GALNT10: variants seen among roughly 807,000 people sequenced by gnomAD.
GALNT10 encodes the protein polypeptide N-acetylgalactosaminyltransferase 10.
A neutral mutation model predicts 75.0 loss-of-function variants in GALNT10; 41 were observed. The ratio of observed to expected loss-of-function variants is 0.55; its 90% CI spans 0.43 to 0.71. The LOEUF (loss-of-function observed/expected upper bound fraction) is 0.71. GALNT10 is among the 30% of genes least tolerant of loss of function. The probability of loss-of-function intolerance (pLI) is 0.00; values close to 1 mark genes in which losing one functional copy is unlikely to be tolerated. For missense variants in GALNT10, 727 were observed against 818.5 expected, an observed-to-expected ratio of 0.89 and a Z score of 1.36; for synonymous variants, 302 against 313.0, an observed-to-expected ratio of 0.96 and a Z score of 0.37.
At chr5:154,285,019 C>T (rs551092403) in intron 1 of GALNT10, among the ~76,000 whole-genome samples, 70 of 152,326 alleles carry the variant, frequency 4.6e-4, no homozygotes, top group Non-Finnish European at 7.5e-4. Flanking sequence ...CCTTGACAAT[C>T]GCTCATGGAA....
At chr5:154,270,812 G>A (rs140469831) in intron 1 of GALNT10, among the ~76,000 whole-genome samples, 225 of 152,086 alleles carry the variant, frequency 1.5e-3, no homozygotes, top group African/African-American at 5.4e-3. Flanking sequence ...TGGCCAACAT[G>A]GCGAAAACCC....
intron 1 of GALNT10, among the ~76,000 whole-genome samples, chr5:154,229,719 TG>T (rs1753118843): frequency 6.6e-6 from 1 of 150,908 alleles, no homozygotes; most frequent in Non-Finnish European, 1.5e-5. Context: ...GGCGACAGAG[TG>T]AGACTCCATC....
intron 1 of GALNT10, among the ~76,000 whole-genome samples, chr5:154,276,684 G>C (rs1232938289): frequency 2.6e-5 from 4 of 152,284 alleles, no homozygotes; most frequent in East Asian, 3.9e-4. Context: ...AAAAACACTA[G>C]TTTAGAGTCC....
At chr5:154,356,183 TTGTGTG>T in intron 4 of GALNT10, 1 of 456,274 alleles carries the variant, frequency 2.2e-6, no homozygotes, top group Non-Finnish European at 4.4e-6. Context: ...CCCTCTCCCT[TTGTGTG>T]CTAGAGACCC....
At chr5:154,362,023 A>T (rs1161182985) in intron 4 of GALNT10, among the ~76,000 whole-genome samples, 1 of 152,158 alleles carries the variant, frequency 6.6e-6, no homozygotes, top group Non-Finnish European at 1.5e-5. Context: ...TGGGAACAAG[A>T]TGCCTCTCCA....
chr5:154,416,737 T>C lies in GALNT10; in HGVS notation c.1654-77T>C. 1 of 1,020,284 alleles carries C rather than the reference T, an allele frequency of 9.8e-7. No homozygotes were observed. Among genetic ancestry groups the C allele is most frequent in the Non-Finnish European group, 1.5e-6 (1 of 650,352 alleles). The allele number at this position is 1,020,284 out of a possible 1,614,324, so 63.2% of individuals were successfully genotyped here. On this transcript the variant is annotated intron_variant, in intron 11 of 11. Transcript: ENST00000297107. This position sits in a 1 kb window ranked among gnomAD's most constrained non-coding sequence, Gnocchi z 4.5. The stretch of plus-strand genomic sequence containing the variant: ...AGTCAGTCACTTCCTCACTTTCTCA[T>C]TGCTGGTATTGTTGCTGTGGTTTGA...
intron 3 of GALNT10, among the ~76,000 whole-genome samples, chr5:154,319,313 AG>A (rs1754641828): frequency 6.6e-6 from 1 of 152,264 alleles, no homozygotes; most frequent in Non-Finnish European, 1.5e-5. Context: ...AATGTTTAGC[AG>A]AGATCAGCCC....
intron 1 of GALNT10, among the ~76,000 whole-genome samples, chr5:154,279,450 T>C (rs370115916): frequency 6.6e-5 from 10 of 151,892 alleles, no homozygotes; most frequent in Non-Finnish European, 1.3e-4. Flanking sequence ...AGTACAGGCA[T>C]GCACCACCAC....
chr5:154,335,050 T>C (rs972458689), intron 4 of GALNT10, among the ~76,000 whole-genome samples: 1 of 152,246 alleles, frequency 6.6e-6, no homozygotes, highest in Admixed American at 6.5e-5. Flanking sequence ...ATTTCTTGTC[T>C]TCTCTCCAGC....
At position 154,386,351 on chromosome 5, in the gene GALNT10, G is replaced by T. The variant is rs377526323; in HGVS notation, c.977G>T (p.Arg326Leu). Residue 326 changes from arginine to leucine, a missense_variant, in exon 7 of 12, where the codon CGG (arginine) becomes CTG (leucine). Arg to Leu is a moderately radical substitution (Grantham distance 102, BLOSUM62 -2). Coordinates refer to ENST00000297107, the MANE Select transcript of GALNT10 (RefSeq NM_198321.4). ...VMAGGLFAVD[R>L]KWFWELGGYD... ...GCCGGTGGACTGTTCGCCGTGGATC[G>T]GAAGTGGTTCTGGGAACTCGGCGGG... 4.3e-6 allele frequency: 7 copies of T among 1,614,086 alleles called. No individual in the cohort carries two copies. The highest frequency in any genetic ancestry group is 4.2e-6 in the Non-Finnish European group (5 of 1,180,000).
In GALNT10 at chr5:154,404,199, C is replaced by T. The variant is rs375962217; in HGVS notation, c.1152C>T (p.Val384=). 7.3e-5 allele frequency: 117 copies of T among 1,595,760 alleles called. 1 individual carries two copies. The highest frequency in any genetic ancestry group is 6.7e-4 in the Middle Eastern group (4 of 5,952). The part of the protein sequence containing the change: ...KYVPYKVPAG[V]SLARNLKRVA... ...TGCCCTACAAGGTCCCGGCCGGAGT[C>T]AGCCTGGCCCGGGTAAGGTGGTGGC... is the stretch of plus-strand genomic sequence containing the variant. Residue 384 remains valine (V), a synonymous_variant, in exon 8 of 12, where the codon GTC becomes GTT. Coordinates refer to ENST00000297107, the MANE Select transcript of GALNT10 (RefSeq NM_198321.4).
chr5:154,410,390 A>G lies in GALNT10; in HGVS notation c.1386+628A>G, dbSNP rs530058803. The stretch of plus-strand genomic sequence containing the variant: ...ACCCTGTCTCTACAAAAAAAAAAAA[A>G]AAAAAGAAAAAATTAGCCAGGCGTA... On this transcript the variant is annotated intron_variant, in intron 9 of 11. Coordinates refer to ENST00000297107, the MANE Select transcript of GALNT10 (RefSeq NM_198321.4). Among the ~76,000 whole-genome samples the G allele has an allele frequency of 2.0e-3, 300 of 151,984 alleles. 2 individuals are homozygous for G. The highest frequency in any genetic ancestry group is 6.7e-3 in the African/African-American group (279 of 41,508).
chr5:154,286,184 TTCTATAAGC>T (rs1754108346), intron 1 of GALNT10, among the ~76,000 whole-genome samples: 1 of 152,156 alleles, frequency 6.6e-6, no homozygotes, highest in Admixed American at 6.5e-5. Context: ...CCACACATAC[TTCTATAAGC>T]TCTATGAGAG....
intron 1 of GALNT10, among the ~76,000 whole-genome samples, chr5:154,193,897 T>G (rs958302410): frequency 6.6e-6 from 1 of 152,222 alleles, no homozygotes; most frequent in African/African-American, 2.4e-5. Context: ...CACATAATGC[T>G]TCTAGGATTT....
chr5:154,378,922 T>G (rs1755696003), intron 5 of GALNT10, among the ~76,000 whole-genome samples: 1 of 151,950 alleles, frequency 6.6e-6, no homozygotes, highest in South Asian at 2.1e-4. Flanking sequence ...GGCCCTACTC[T>G]AAATCTTTCT....
intron 1 of GALNT10, among the ~76,000 whole-genome samples, chr5:154,281,630 C>G (rs895682607): frequency 6.6e-6 from 1 of 152,190 alleles, no homozygotes; most frequent in South Asian, 2.1e-4. Context: ...AAGGACCTCT[C>G]CACACCCTAA....
intron 1 of GALNT10, among the ~76,000 whole-genome samples, chr5:154,254,440 A>T (rs1753575412): frequency 6.6e-6 from 1 of 151,732 alleles, no homozygotes; most frequent in Non-Finnish European, 1.5e-5. Flanking sequence ...TTACTAAGAG[A>T]TGTTTTGTTT....
At chr5:154,261,431 C>T (rs1191003591) in intron 1 of GALNT10, among the ~76,000 whole-genome samples, 1 of 152,148 alleles carries the variant, frequency 6.6e-6, no homozygotes, top group Non-Finnish European at 1.5e-5. Flanking sequence ...TCCCTTGAGT[C>T]TTATCTGGAC....
chr5:154,414,937 A>G (rs1365047524), intron 10 of GALNT10, among the ~76,000 whole-genome samples: 3 of 152,128 alleles, frequency 2.0e-5, no homozygotes, highest in Admixed American at 6.5e-5. Flanking sequence ...CAGCCTGACC[A>G]ACGTGGTGAA....
Sources: allele counts gnomAD v4.1 joint callset (sites outside exome capture counted in the v4.1 genomes callset), GRCh38; gene constraint gnomAD v4.1.1; non-coding constraint Gnocchi (gnomAD v3.1); transcripts MANE v1.5; gene names NCBI Gene and HGNC (gene_info 2026-07-23, HGNC 2026-07-21).